TTF1: variants seen among roughly 807,000 people sequenced by gnomAD.
TTF1 encodes transcription termination factor, RNA polymerase I.
In TTF1, 64 loss-of-function variants were observed where a neutral mutation model predicts 80.2. That is an observed-to-expected ratio of 0.80 (90% CI 0.65 to 0.98). TTF1 has a LOEUF of 0.98. TTF1 is among the 50% of genes least tolerant of loss of function. The pLI is 0.00. For synonymous variants in TTF1, 372 were observed against 382.7 expected (o/e 0.97, Z 0.33); for missense variants, 1,023 against 1,086.2 (o/e 0.94, Z 0.82).
chr9:132,377,933 G>A (rs543802803), intron 10 of TTF1, among the ~76,000 whole-genome samples: 37 of 138,260 alleles, frequency 2.7e-4, no homozygotes, highest in African/African-American at 7.7e-4. Flanking sequence ...CATGTGGTGC[G>A]TGTGAATGCA....
At chr9:132,383,841 C>T (rs985910068) in intron 9 of TTF1, among the ~76,000 whole-genome samples, 15 of 152,084 alleles carry the variant, frequency 9.9e-5, no homozygotes, top group African/African-American at 3.4e-4. Flanking sequence ...TTCTTTGCCC[C>T]ACCACCGAGG....
At chr9:132,387,600 C>T (rs539000411) in intron 8 of TTF1, among the ~76,000 whole-genome samples, 1 of 152,318 alleles carries the variant, frequency 6.6e-6, no homozygotes, top group East Asian at 1.9e-4. Flanking sequence ...GCTGCTCTTT[C>T]CTGTTCCTCA....
intron 3 of TTF1, among the ~76,000 whole-genome samples, chr9:132,399,072 G>A (rs1306189470): frequency 2.0e-5 from 3 of 151,498 alleles, no homozygotes; most frequent in Non-Finnish European, 2.9e-5. Context: ...GGTGGCAGGC[G>A]CCTGTAGTCC....
intron 10 of TTF1, among the ~76,000 whole-genome samples, chr9:132,377,935 G>T (rs561892666): frequency 7.2e-6 from 1 of 139,182 alleles, no homozygotes; most frequent in Non-Finnish European, 1.5e-5. Context: ...TGTGGTGCGT[G>T]TGAATGCATG....
At chr9:132,383,267 A>T (rs538456215) in intron 9 of TTF1, among the ~76,000 whole-genome samples, 42 of 135,820 alleles carry the variant, frequency 3.1e-4, no homozygotes, top group Admixed American at 2.2e-3. Flanking sequence ...AAAAAAAAAA[A>T]GGACACTAAG....
intron 5 of TTF1, among the ~76,000 whole-genome samples, chr9:132,394,143 C>T (rs557314409): frequency 2.8e-4 from 43 of 152,118 alleles, no homozygotes; most frequent in Admixed American, 7.2e-4. Flanking sequence ...TCCAGTGATC[C>T]GCCTGCCTCA....
Position 132,386,547 on chromosome 9 carries a change from T to C in TTF1, c.2378+9A>G. 1.3e-6 allele frequency: 2 copies of C among 1,598,858 alleles called. No homozygotes were observed. The highest frequency in any genetic ancestry group is 1.7e-6 in the Non-Finnish European group (2 of 1,168,556). ...TTTAATTAGTTTAATATTAAACAAATGGTCTTACCCTATGGCACTAGCAAG... is the reference window on the plus strand; with the variant it reads ...TTTAATTAGTTTAATATTAAACAAACGGTCTTACCCTATGGCACTAGCAAG... On this transcript the variant is annotated intron_variant, in intron 9 of 10. Transcript: ENST00000334270.
In TTF1 at chr9:132,402,615, T is replaced by C; in HGVS notation, c.207A>G (p.Lys69=). The change falls in exon 2 of 11, where the codon AAA becomes AAG. Residue 69 remains lysine, a synonymous_variant. Coordinates refer to ENST00000334270, the MANE Select transcript of TTF1 (RefSeq NM_007344.4). ...FQHLISSPLK[K]SRICDETANA... is the part of the protein sequence containing the mutation. ...TTGCAGTCTCATCACAGATTCTGGATTTTTTCAAAGGAGAAGAAATGAGAT... is the reference window on the plus strand; with the variant it reads ...TTGCAGTCTCATCACAGATTCTGGACTTTTTCAAAGGAGAAGAAATGAGAT... The C allele has an allele frequency of 1.9e-6, 3 of 1,613,426 alleles. No individual in the cohort carries two copies. The Admixed American group carries it at 5.0e-5, about 27-fold the overall frequency.
intron 5 of TTF1, among the ~76,000 whole-genome samples, chr9:132,393,849 A>C (rs1849601520): frequency 6.6e-6 from 1 of 152,252 alleles, no homozygotes; most frequent in African/African-American, 2.4e-5. Flanking sequence ...AATCTTTATA[A>C]CATCTTCAGA....
chr9:132,392,331 A>C (rs1161452784), intron 5 of TTF1, 125 bp from the exon 6 acceptor site: 2 of 1,141,084 alleles, frequency 1.8e-6, no homozygotes, highest in East Asian at 5.3e-5. Flanking sequence ...GAACCCGGTC[A>C]CAGCCCTCTT....
intron 4 of TTF1, 49 bp downstream of exon 4, chr9:132,398,092 A>T: frequency 6.8e-7 from 1 of 1,474,862 alleles, no homozygotes; most frequent in Non-Finnish European, 9.0e-7. Context: ...TATCTTGTTT[A>T]TGGCTGGAAG....
At chr9:132,381,555 A>G (rs1485271615) in intron 9 of TTF1, among the ~76,000 whole-genome samples, 2 of 152,172 alleles carry the variant, frequency 1.3e-5, no homozygotes, top group Non-Finnish European at 2.9e-5. Flanking sequence ...AGTCGTTCTC[A>G]AGATGGGAGC....
intron 5 of TTF1, among the ~76,000 whole-genome samples, chr9:132,393,280 A>C (rs1358581554): frequency 2.6e-5 from 3 of 116,110 alleles, no homozygotes; most frequent in African/African-American, 5.9e-5. Context: ...CCCCCCCCGC[A>C]AACTGGCCAT....
intron 9 of TTF1, among the ~76,000 whole-genome samples, chr9:132,382,281 C>A (rs931741184): frequency 6.6e-6 from 1 of 152,170 alleles, no homozygotes; most frequent in African/African-American, 2.4e-5. Flanking sequence ...AGGAAACTGA[C>A]AGAAGCTTAA....
At chr9:132,377,176 GGTGT>G (rs777188099) in intron 10 of TTF1, among the ~76,000 whole-genome samples, 12 of 142,018 alleles carry the variant, frequency 8.4e-5, no homozygotes, top group Non-Finnish European at 1.2e-4. Flanking sequence ...GCATGCATGT[GGTGT>G]GTGAGTGCAT....
chr9:132,404,112 A>T (rs1254084543), intron 1 of TTF1, among the ~76,000 whole-genome samples: 1 of 152,186 alleles, frequency 6.6e-6, no homozygotes, highest in African/African-American at 2.4e-5. Context: ...TAAATGACAC[A>T]TTTACGTCGT....
In TTF1 at chr9:132,375,690, T is replaced by A; in HGVS notation, c.*225A>T. 2 of 441,646 alleles carry A rather than the reference T, an allele frequency of 4.5e-6. No individual in the cohort carries two copies. The highest frequency in any genetic ancestry group is 8.2e-6 in the Non-Finnish European group (2 of 243,852). The allele number at this position is 441,646 out of a possible 1,614,324, so 27.4% of individuals were successfully genotyped here. ...TACTGACATATGTATATAAATATAATCAAACTGAGAAAAAGGGACAAGAAA... is the reference window on the plus strand; with the variant it reads ...TACTGACATATGTATATAAATATAAACAAACTGAGAAAAAGGGACAAGAAA... On this transcript the variant is annotated 3_prime_UTR_variant, in exon 11 of 11. Transcript: ENST00000334270.
intron 5 of TTF1, among the ~76,000 whole-genome samples, chr9:132,395,870 CA>C (rs540553625): frequency 1.8e-4 from 27 of 152,286 alleles, no homozygotes; most frequent in African/African-American, 6.3e-4. Flanking sequence ...CGTGCTAACC[CA>C]AACGCTCGGT....
intron 3 of TTF1, among the ~76,000 whole-genome samples, chr9:132,399,807 C>T (rs2131647410): frequency 6.6e-6 from 1 of 152,308 alleles, no homozygotes; most frequent in African/African-American, 2.4e-5. Flanking sequence ...GTCTCTTTAG[C>T]CCCATTCTTC....
Sources: gnomAD v4.1 joint callset for allele counts (sites outside exome capture counted in the v4.1 genomes callset) on GRCh38, gnomAD v4.1.1 for gene constraint, MANE v1.5 for transcripts, NCBI Gene and HGNC (gene_info 2026-07-23, HGNC 2026-07-21) for gene names.